The following GRID1 variants were observed in gnomAD, a reference collection of about 807,000 sequenced individuals.
GRID1 encodes glutamate ionotropic receptor delta type subunit 1, also known as glutamate receptor ionotropic, delta-1.
GRID1 carries 28 observed loss-of-function variants against 98.0 expected under a neutral mutation model. The observed-to-expected ratio is 0.29, with a 90% confidence interval of 0.21 to 0.39. The LOEUF (loss-of-function observed/expected upper bound fraction) is 0.39. Among genes scored for constraint, GRID1 ranks in the 10% least tolerant of loss-of-function variants. The pLI, the probability that GRID1 is intolerant of heterozygous loss-of-function variation, is 1.00. For synonymous variants in GRID1, 553 were observed against 538.5 expected (o/e 1.03, Z -0.37); for missense variants, 1,111 against 1,340.5 (o/e 0.83, Z 2.67).
intron 4 of GRID1, among the ~76,000 whole-genome samples, chr10:85,998,136 T>C (rs1319209427): frequency 6.6e-6 from 1 of 152,094 alleles, no homozygotes; most frequent in East Asian, 1.9e-4. Context: ...ACAAATCCAT[T>C]AACCTACTAG....
At chr10:86,240,996 A>T (rs1411008086) in intron 2 of GRID1, among the ~76,000 whole-genome samples, 1 of 152,140 alleles carries the variant, frequency 6.6e-6, no homozygotes. Flanking sequence ...GCCTGAATGG[A>T]CACTGCCTCT....
rs542702069 is a variant in GRID1 at position 86,110,617 on chromosome 10, G to T, written c.726+28202C>A. On this transcript the variant is annotated intron_variant, in intron 4 of 15. Coordinates refer to ENST00000327946, the MANE Select transcript of GRID1 (RefSeq NM_017551.3). ...ACTGAGATGGCCATCCCAGGACCAG[G>T]CTTAGCATTCCATGTCTGCTCTCAG... Among the ~76,000 whole-genome samples the T allele has an allele frequency of 2.0e-5, 3 of 152,202 alleles. No individual in the cohort carries two copies. In the East Asian group the frequency reaches 5.8e-4, roughly 29 times the overall value.
rs556634959 is a variant in GRID1, at chr10:85,940,819, G to C, written c.727-24580C>G. 2.4e-4 allele frequency among the ~76,000 whole-genome samples: 37 copies of C among 152,316 alleles called. No homozygotes were observed. The South Asian group carries it at 7.0e-3, about 29-fold the overall frequency. ...TTCAGTGGCATGGGAAACACAAAGA[G>C]GCAGAGCCAGACCCTGGCTGAAGAA... On this transcript the variant is annotated intron_variant, in intron 4 of 15. Coordinates refer to ENST00000327946, the MANE Select transcript of GRID1 (RefSeq NM_017551.3).
intron 8 of GRID1, among the ~76,000 whole-genome samples, chr10:85,765,399 T>G (rs1488281134): frequency 1.3e-5 from 2 of 152,142 alleles, no homozygotes; most frequent in African/African-American, 2.4e-5. Context: ...TTTAGTAATA[T>G]TTGAAAAAGT....
At chr10:86,236,887 G>C (rs1244189037) in intron 2 of GRID1, among the ~76,000 whole-genome samples, 1 of 152,198 alleles carries the variant, frequency 6.6e-6, no homozygotes, top group African/African-American at 2.4e-5. Context: ...CAGGAGAGCA[G>C]AGAGCAGGAG....
At chr10:85,683,781 T>G (rs757436610) in intron 12 of GRID1, among the ~76,000 whole-genome samples, 5 of 152,234 alleles carry the variant, frequency 3.3e-5, no homozygotes, top group Non-Finnish European at 7.3e-5. Context: ...TTCACTGTAG[T>G]GTTCTACCAA....
chr10:86,323,049 A>G (rs929483960), intron 2 of GRID1, among the ~76,000 whole-genome samples: 2 of 152,144 alleles, frequency 1.3e-5, no homozygotes, highest in African/African-American at 4.8e-5. Flanking sequence ...GTGAGCTGAG[A>G]TCGCACCACT....
intron 2 of GRID1, among the ~76,000 whole-genome samples, chr10:86,220,536 C>T (rs1326425543): frequency 6.6e-6 from 1 of 152,170 alleles, no homozygotes; most frequent in Non-Finnish European, 1.5e-5. Context: ...AGCAGCCTGG[C>T]CAGGTTCAAA....
At chr10:86,114,003 C>G (rs1420078079) in intron 4 of GRID1, among the ~76,000 whole-genome samples, 3 of 151,958 alleles carry the variant, frequency 2.0e-5, no homozygotes, top group Non-Finnish European at 4.4e-5. Context: ...ACTGCTGGAG[C>G]CTGTGTAGTG....
At chr10:86,199,723 G>C (rs532012109) in intron 3 of GRID1, among the ~76,000 whole-genome samples, 3 of 152,108 alleles carry the variant, frequency 2.0e-5, no homozygotes, top group Non-Finnish European at 4.4e-5. Flanking sequence ...TGGGAAATTC[G>C]GGTCCTACCT....
At chr10:85,947,320 C>T (rs377276503) in intron 4 of GRID1, among the ~76,000 whole-genome samples, 15 of 152,234 alleles carry the variant, frequency 9.9e-5, no homozygotes, top group African/African-American at 3.1e-4. Flanking sequence ...GCTGTGAACA[C>T]GGAGCCTGGG....
At chr10:86,258,149 T>C (rs1846955012) in intron 2 of GRID1, among the ~76,000 whole-genome samples, 1 of 152,002 alleles carries the variant, frequency 6.6e-6, no homozygotes, top group African/African-American at 2.4e-5. Flanking sequence ...ATCCCTACAG[T>C]CCAGTTTCAA....
chr10:85,828,416 G>A (rs531944277), intron 8 of GRID1, among the ~76,000 whole-genome samples: 1 of 151,984 alleles, frequency 6.6e-6, no homozygotes. Flanking sequence ...ACTCCAAAGG[G>A]AGTAGTAAAC....
intron 4 of GRID1, among the ~76,000 whole-genome samples, chr10:86,024,335 C>A (rs1307659896): frequency 6.6e-6 from 1 of 152,182 alleles, no homozygotes; most frequent in Non-Finnish European, 1.5e-5. Flanking sequence ...AATAAGGTAG[C>A]CAGCCCCCAG....
chr10:86,092,279 C>G (rs1844161225), intron 4 of GRID1, among the ~76,000 whole-genome samples: 1 of 152,046 alleles, frequency 6.6e-6, no homozygotes. Context: ...AAATAGTTAG[C>G]TTAAAGAAAA....
intron 4 of GRID1, among the ~76,000 whole-genome samples, chr10:85,977,042 G>C (rs1267892875): frequency 6.6e-6 from 1 of 152,220 alleles, no homozygotes; most frequent in Admixed American, 6.5e-5. Context: ...TCACGGGAGA[G>C]GTGAAGCCCA....
intron 15 of GRID1, chr10:85,613,175 T>C: frequency 1.7e-6 from 1 of 579,512 alleles, no homozygotes; most frequent in Non-Finnish European, 3.0e-6. Flanking sequence ...CTTTAGTGGC[T>C]AAGGCTGGTA....
intron 2 of GRID1, among the ~76,000 whole-genome samples, chr10:86,289,105 T>C (rs1002206335): frequency 3.9e-5 from 6 of 152,116 alleles, no homozygotes; most frequent in African/African-American, 1.4e-4. Flanking sequence ...ACTCAGAAGA[T>C]CCCTGTCACT....
chr10:85,897,045 T>A (rs1156609278), intron 5 of GRID1, among the ~76,000 whole-genome samples: 1 of 152,122 alleles, frequency 6.6e-6, no homozygotes, highest in Non-Finnish European at 1.5e-5. Flanking sequence ...TTGAAAACAG[T>A]GAGACACAAA....
Sources: gnomAD v4.1 joint callset for allele counts (sites outside exome capture counted in the v4.1 genomes callset) on GRCh38, gnomAD v4.1.1 for gene constraint, MANE v1.5 for transcripts, NCBI Gene and HGNC (gene_info 2026-07-23, HGNC 2026-07-21) for gene names.